Variants in ATP7B observed in about 807,000 individuals in gnomAD.
ATP7B encodes ATPase copper transporting beta.
A neutral mutation model predicts 118.9 loss-of-function variants in ATP7B; 113 were observed. The ratio of observed to expected loss-of-function variants is 0.95; its 90% CI spans 0.82 to 1.11. The LOEUF is 1.11. ATP7B is among the 50% of genes most tolerant of loss of function. The pLI, the probability that ATP7B is intolerant of heterozygous loss-of-function variation, is 0.00. For synonymous variants in ATP7B, 777 were observed against 727.4 expected (o/e 1.07, Z -1.10); for missense variants, 1,867 against 1,871.4 (o/e 1.00, Z 0.04).
chr13:51,978,571 T>C (rs1275985937), intron 1 of ATP7B, among the ~76,000 whole-genome samples: 1 of 152,230 alleles, frequency 6.6e-6, no homozygotes, highest in Non-Finnish European at 1.5e-5. Context: ...AGATATTAAA[T>C]GCTGAGAAAG....
chr13:52,011,224 G>A (rs761339916), intron 1 of ATP7B, 63 bp downstream of exon 1: 3 of 1,611,550 alleles, frequency 1.9e-6, no homozygotes, highest in South Asian at 1.1e-5. Flanking sequence ...CGCCGAACGC[G>A]GGGAGGAAAA....
chr13:51,976,522 C>T (rs1194550554), intron 1 of ATP7B, among the ~76,000 whole-genome samples: 6 of 152,062 alleles, frequency 3.9e-5, no homozygotes, highest in Non-Finnish European at 1.5e-5. Context: ...TTGCTGAATC[C>T]AGTAAATACA....
chr13:51,949,452 A>C (rs1420592876), intron 12 of ATP7B, among the ~76,000 whole-genome samples: 1 of 152,230 alleles, frequency 6.6e-6, no homozygotes, highest in Non-Finnish European at 1.5e-5. Context: ...ATCTAAGTAG[A>C]ATGTAAAGGA....
chr13:51,966,394 C>T (rs979618942), intron 4 of ATP7B, among the ~76,000 whole-genome samples: 10 of 152,206 alleles, frequency 6.6e-5, no homozygotes, highest in African/African-American at 2.4e-4. Context: ...AGTATCCCTG[C>T]AGCGACAGGG....
intron 2 of ATP7B, 124 bp downstream of exon 2, chr13:51,973,811 G>T: frequency 7.1e-7 from 1 of 1,399,010 alleles, no homozygotes; most frequent in Non-Finnish European, 1.0e-6. Context: ...AAGTTTGCAG[G>T]ATTTTGTTCC....
intron 12 of ATP7B, among the ~76,000 whole-genome samples, chr13:51,949,195 T>TAAAC (rs1452829612): frequency 6.6e-6 from 1 of 151,810 alleles, no homozygotes; most frequent in Non-Finnish European, 1.5e-5. Context: ...AATAAATAAA[T>TAAAC]AAACAAACAA....
intron 9 of ATP7B, among the ~76,000 whole-genome samples, chr13:51,951,843 A>G (rs954771794): frequency 3.3e-5 from 5 of 152,238 alleles, no homozygotes; most frequent in African/African-American, 1.2e-4. Context: ...TGAAAAAAGA[A>G]AAAAAATCAA....
chr13:51,965,865 A>G (rs1951521974), intron 4 of ATP7B, among the ~76,000 whole-genome samples: 4 of 152,206 alleles, frequency 2.6e-5, no homozygotes, highest in Admixed American at 2.6e-4. Context: ...CTGGAGCTGC[A>G]TGCTGAAATT....
At chr13:51,946,996 A>G (rs1163070631) in intron 12 of ATP7B, among the ~76,000 whole-genome samples, 1 of 152,240 alleles carries the variant, frequency 6.6e-6, no homozygotes, top group Non-Finnish European at 1.5e-5. Context: ...TATAAATAAG[A>G]AAAGATGCAA....
intron 1 of ATP7B, among the ~76,000 whole-genome samples, chr13:51,982,684 CAGA>C (rs1212135630): frequency 1.3e-5 from 2 of 152,184 alleles, no homozygotes; most frequent in East Asian, 3.8e-4. Context: ...GAGATCAACG[CAGA>C]AGGAGGGTGA....
chr13:51,991,845 C>T (rs964286830), intron 1 of ATP7B, among the ~76,000 whole-genome samples: 3 of 152,084 alleles, frequency 2.0e-5, no homozygotes, highest in African/African-American at 4.8e-5. Flanking sequence ...AGGGGATTTG[C>T]GGGGAAGGCC....
At chr13:51,999,577 A>G (rs1953388972) in intron 1 of ATP7B, among the ~76,000 whole-genome samples, 1 of 152,218 alleles carries the variant, frequency 6.6e-6, no homozygotes, top group Non-Finnish European at 1.5e-5. Context: ...GTAAAAGCCA[A>G]TGTTTCCATT....
chr13:51,951,831 A>G (rs1377691956), intron 9 of ATP7B, among the ~76,000 whole-genome samples: 1 of 152,222 alleles, frequency 6.6e-6, no homozygotes, highest in Non-Finnish European at 1.5e-5. Context: ...TGAGTTACAC[A>G]TTGAAAAAAG....
intron 1 of ATP7B, among the ~76,000 whole-genome samples, chr13:51,997,740 C>T (rs1046731873): frequency 6.6e-6 from 1 of 152,172 alleles, no homozygotes; most frequent in Non-Finnish European, 1.5e-5. Flanking sequence ...TAGTAGAATA[C>T]GATTAAACAA....
In ATP7B at chr13:51,958,330, C is replaced by A; in HGVS notation, c.2336G>T (p.Trp779Leu). 1.2e-6 allele frequency: 2 copies of A among 1,614,160 alleles called. No homozygotes were observed. The change falls in exon 8 of 21, where the codon TGG becomes TTG. Residue 779 changes from tryptophan (W) to leucine (L), a missense_variant. Trp to Leu is a moderately conservative substitution (Grantham distance 61). Transcript: ENST00000242839. ...TGTTACCTTTGCCAAGTGTTCCAGC[C>A]ACCGGCCCAGGGCAATGAACACAAA... ...MLFVFIALGR[W>L]LEHLAKSKTS...
rs2138558095 is a variant in ATP7B at position 51,937,300 on chromosome 13, G to C, written c.3997C>G (p.Leu1333Val). ...CCTGCTGCAATGGGTATCCCAACCA[G>C]GTTATAAATCAGTGCCAGGACCAGG... ...INLVLALIYN[L>V]VGIPIAAGVF... Residue 1333 changes from leucine to valine, a missense_variant, in exon 19 of 21, where the codon CTG becomes GTG. By Grantham distance (32) the Leu-to-Val change is conservative (BLOSUM62 1). Transcript: ENST00000242839. 6.2e-7 allele frequency: 1 copy of C among 1,614,200 alleles called. No homozygotes were observed. The highest frequency in any genetic ancestry group is 8.5e-7 in the Non-Finnish European group (1 of 1,180,018).
Position 51,937,361 on chromosome 13 carries a change from G to C in ATP7B, c.3936C>G (p.His1312Gln). 6.2e-7 allele frequency: 1 copy of C among 1,614,236 alleles called. No homozygotes were observed. Among genetic ancestry groups the C allele is most frequent in the Non-Finnish European group, 8.5e-7 (1 of 1,180,040 alleles). ...NDLLDVVASI[H>Q]LSKRTVRRIR... Reference sequence around the variant, plus strand: ...TCCTTCGGACAGTCCTCTTGGAAAGGTGAATGCTAGCCACCACATCCAGCA... The same window carrying C: ...TCCTTCGGACAGTCCTCTTGGAAAGCTGAATGCTAGCCACCACATCCAGCA... Residue 1312 changes from histidine (H) to glutamine (Q), a missense_variant, in exon 19 of 21, where the codon CAC becomes CAG. Physicochemically the swap from His to Gln is conservative, Grantham distance 24. Coordinates refer to ENST00000242839, the MANE Select transcript of ATP7B (RefSeq NM_000053.4).
chr13:52,001,634 C>G (rs1813118600), intron 1 of ATP7B, among the ~76,000 whole-genome samples: 1 of 152,174 alleles, frequency 6.6e-6, no homozygotes, highest in African/African-American at 2.4e-5. Context: ...ATGATCCCAT[C>G]TAAATTTCAT....
intron 13 of ATP7B, among the ~76,000 whole-genome samples, chr13:51,944,911 C>A (rs1257280203): frequency 1.3e-5 from 2 of 152,184 alleles, no homozygotes; most frequent in Non-Finnish European, 2.9e-5. Flanking sequence ...TGACCAGGGC[C>A]AGTCGAGCCC....
Sources: gnomAD v4.1 joint callset for allele counts (sites outside exome capture counted in the v4.1 genomes callset) on GRCh38, gnomAD v4.1.1 for gene constraint, MANE v1.5 for transcripts, NCBI Gene and HGNC (gene_info 2026-07-23, HGNC 2026-07-21) for gene names.